The following CNTN5 variants were observed in gnomAD, a reference collection of about 807,000 sequenced individuals.
CNTN5 encodes contactin 5.
In CNTN5, 77 loss-of-function variants were observed where a neutral mutation model predicts 129.1. That is an observed-to-expected ratio of 0.60 (90% CI 0.50 to 0.72). CNTN5 has a LOEUF of 0.72. Ranked by LOEUF, CNTN5 falls within the 30% of genes least tolerant of loss-of-function variation. The pLI, the probability that CNTN5 is intolerant of heterozygous loss-of-function variation, is 0.00. For missense variants in CNTN5, 1,478 were observed against 1,328.8 expected (o/e 1.11, Z -1.75); for synonymous variants, 509 against 465.6 (o/e 1.09, Z -1.20).
At chr11:100,262,813 T>C (rs1244361284) in intron 17 of CNTN5, among the ~76,000 whole-genome samples, 2 of 151,888 alleles carry the variant, frequency 1.3e-5, no homozygotes, top group East Asian at 1.9e-4. Context: ...AGGGGAGGAA[T>C]AGCATTAGGA....
chr11:99,787,883 G>GACCAT (rs1945592570), intron 3 of CNTN5, among the ~76,000 whole-genome samples: 1 of 151,842 alleles, frequency 6.6e-6, no homozygotes, highest in African/African-American at 2.4e-5. Context: ...TAGCTAACCA[G>GACCAT]ACCATATACG....
At chr11:99,917,758 A>G (rs1166665752) in intron 7 of CNTN5, among the ~76,000 whole-genome samples, 2 of 152,206 alleles carry the variant, frequency 1.3e-5, no homozygotes, top group African/African-American at 4.8e-5. Context: ...AAATTATCCA[A>G]TTGGCAGAGA....
chr11:99,910,191 A>T (rs1949622126), intron 6 of CNTN5, among the ~76,000 whole-genome samples: 1 of 152,048 alleles, frequency 6.6e-6, no homozygotes. Flanking sequence ...CCTAATCATA[A>T]ATGGACATAA....
intron 16 of CNTN5, among the ~76,000 whole-genome samples, chr11:100,229,043 A>G (rs1381483293): frequency 6.6e-6 from 1 of 152,190 alleles, no homozygotes; most frequent in Non-Finnish European, 1.5e-5. Context: ...TACACAGCTC[A>G]CACACCAAGG....
At chr11:99,150,030 TA>T (rs552451639) in intron 1 of CNTN5, among the ~76,000 whole-genome samples, 238 of 151,876 alleles carry the variant, frequency 1.6e-3, no homozygotes, top group African/African-American at 5.3e-3. Context: ...AATGAACAAA[TA>T]AAAAAAAGAT....
intron 3 of CNTN5, among the ~76,000 whole-genome samples, chr11:99,794,567 T>C (rs1306590673): frequency 6.6e-6 from 1 of 152,204 alleles, no homozygotes; most frequent in East Asian, 1.9e-4. Context: ...GTAATGGTCT[T>C]TCCTTTCCAT....
rs142611932 is a variant in CNTN5, at chr11:99,788,048, A to C, written c.56-31496A>C. Among the ~76,000 whole-genome samples the C allele has an allele frequency of 5.8e-3, 878 of 151,926 alleles. 7 individuals are homozygous for C. Among genetic ancestry groups the C allele is most frequent in the African/African-American group, 0.02 (837 of 41,500 alleles). Reference sequence around the variant, plus strand: ...ATTAAACTTTCTTTGTGTTCTTGGCACCCCTCACATTCATGATCAAAAGAA... The same window carrying C: ...ATTAAACTTTCTTTGTGTTCTTGGCCCCCCTCACATTCATGATCAAAAGAA... On this transcript the variant is annotated intron_variant, in intron 3 of 24. Transcript: ENST00000524871.
chr11:99,983,891 A>G (rs996207574), intron 8 of CNTN5, among the ~76,000 whole-genome samples: 3 of 152,176 alleles, frequency 2.0e-5, no homozygotes, highest in African/African-American at 7.2e-5. Flanking sequence ...GAGCATTCAG[A>G]TTTGATGATG....
chr11:99,631,265 A>G lies in CNTN5; in HGVS notation c.55+74996A>G, dbSNP rs550988430. 2.0e-5 allele frequency among the ~76,000 whole-genome samples: 3 copies of G among 152,230 alleles called. No homozygotes were observed. In the South Asian group the frequency reaches 6.2e-4, roughly 32 times the overall value. ...TTTGATTTTTAATAAGAGATAATGGATACAAATATTCCTCTTACCTTAAAT... is the reference window on the plus strand; with the variant it reads ...TTTGATTTTTAATAAGAGATAATGGGTACAAATATTCCTCTTACCTTAAAT... On this transcript the variant is annotated intron_variant, in intron 3 of 24. Transcript: ENST00000524871.
chr11:99,417,930 A>C (rs1394426987), intron 2 of CNTN5, among the ~76,000 whole-genome samples: 1 of 152,160 alleles, frequency 6.6e-6, no homozygotes, highest in Non-Finnish European at 1.5e-5. Context: ...TCATGTTTAA[A>C]CGGTGATCTC....
chr11:100,345,123 T>A (rs1322756406), intron 23 of CNTN5, among the ~76,000 whole-genome samples: 2 of 152,142 alleles, frequency 1.3e-5, no homozygotes, highest in Non-Finnish European at 2.9e-5. Context: ...GGGACTGGGT[T>A]ATTTATAAAA....
At chr11:99,227,516 T>G (rs1370615505) in intron 1 of CNTN5, among the ~76,000 whole-genome samples, 1 of 152,190 alleles carries the variant, frequency 6.6e-6, no homozygotes, top group East Asian at 1.9e-4. Context: ...GAAATTCATT[T>G]ACGTCTAGGT....
intron 3 of CNTN5, among the ~76,000 whole-genome samples, chr11:99,784,635 T>C (rs1417929317): frequency 1.3e-5 from 2 of 152,100 alleles, no homozygotes; most frequent in Non-Finnish European, 1.5e-5. Flanking sequence ...TCTAGATCCC[T>C]GAAGAATTGC....
At position 100,039,053 on chromosome 11, in the gene CNTN5, C is replaced by A. The variant is rs187906991; in HGVS notation, c.981-22159C>A. Among the ~76,000 whole-genome samples, 1,099 of 152,290 alleles carry A rather than the reference C, an allele frequency of 7.2e-3. 17 individuals are homozygous for A. The highest frequency in any genetic ancestry group is 0.024 in the African/African-American group (995 of 41,568). The stretch of plus-strand genomic sequence containing the variant: ...TTTTGCTCATTAGTTGATGCAGTTT[C>A]TTCCTAGCCTTGATGGTCTTTACAA... On this transcript the variant is annotated intron_variant, in intron 9 of 24. Coordinates refer to ENST00000524871, the MANE Select transcript of CNTN5 (RefSeq NM_014361.4).
At chr11:100,127,155 G>T (rs1022935751) in intron 13 of CNTN5, among the ~76,000 whole-genome samples, 1 of 138,684 alleles carries the variant, frequency 7.2e-6, no homozygotes, top group Non-Finnish European at 1.5e-5. Flanking sequence ...GCCCGAGCTG[G>T]TCTCAAACCT....
At chr11:99,718,044 T>C (rs966071776) in intron 3 of CNTN5, among the ~76,000 whole-genome samples, 1 of 152,142 alleles carries the variant, frequency 6.6e-6, no homozygotes, top group Non-Finnish European at 1.5e-5. Context: ...CATTCTGAAA[T>C]GCCAAACTTT....
In CNTN5 at chr11:100,255,009, G is replaced by A. The variant is rs1944187; in HGVS notation, c.2006-751G>A. On this transcript the variant is annotated intron_variant, in intron 16 of 24. Transcript: ENST00000524871. ...TTCTCCTCAAATCTGGTTATAATTC[G>A]TTCTTAAAGATGAAGTCCATATGCA... Among the ~76,000 whole-genome samples the A allele has an allele frequency of 4.7e-3, 717 of 152,158 alleles. 17 individuals are homozygous for A. The highest frequency in any genetic ancestry group is 0.042 in the East Asian group (215 of 5,176).
chr11:99,187,134 G>GTA (rs1858395109), intron 1 of CNTN5, among the ~76,000 whole-genome samples: 1 of 151,878 alleles, frequency 6.6e-6, no homozygotes. Flanking sequence ...TGTATCCAGT[G>GTA]ATAAATCCAG....
intron 1 of CNTN5, among the ~76,000 whole-genome samples, chr11:99,151,371 A>T (rs1220542567): frequency 1.3e-5 from 2 of 152,222 alleles, no homozygotes; most frequent in Non-Finnish European, 2.9e-5. Flanking sequence ...TGTTATACTC[A>T]GACAGCTGTC....
Sources: allele counts gnomAD v4.1 joint callset (sites outside exome capture counted in the v4.1 genomes callset), GRCh38; gene constraint gnomAD v4.1.1; transcripts MANE v1.5; gene names NCBI Gene and HGNC (gene_info 2026-07-23, HGNC 2026-07-21).